The following EPS15 variants were observed in gnomAD, a reference collection of about 807,000 sequenced individuals.
EPS15 encodes the protein epidermal growth factor receptor pathway substrate 15.
In EPS15, 72 loss-of-function variants were observed where a neutral mutation model predicts 113.8. The ratio of observed to expected loss-of-function variants is 0.63; its 90% confidence interval spans 0.52 to 0.77. The LOEUF (loss-of-function observed/expected upper bound fraction) is 0.77, where lower values mean the gene tolerates loss of function less well. EPS15 is among the 30% of genes least tolerant of loss of function. The probability of loss-of-function intolerance (pLI) is 0.00; values close to 1 mark genes in which losing one functional copy is unlikely to be tolerated. For synonymous variants in EPS15, 344 were observed against 363.4 expected, an observed-to-expected ratio of 0.95 and a Z score of 0.61; for missense variants, 1,048 against 1,045.8, an observed-to-expected ratio of 1.00 and a Z score of -0.03.
intron 13 of EPS15, among the ~76,000 whole-genome samples, chr1:51,421,413 T>TTGATGATGATGATGA (rs3991374): frequency 6.6e-6 from 1 of 151,812 alleles, no homozygotes; most frequent in Non-Finnish European, 1.5e-5. Context: ...ATACTGGTTT[T>TTGATGATGATGATGA]TGATGATGAT....
chr1:51,467,979 G>A (rs1327489461), intron 5 of EPS15, among the ~76,000 whole-genome samples: 2 of 151,684 alleles, frequency 1.3e-5, no homozygotes, highest in African/African-American at 2.4e-5. Context: ...ATTTTTTTAA[G>A]ACAGGGTCTT....
At chr1:51,474,068 C>T (rs1391006190) in intron 2 of EPS15, among the ~76,000 whole-genome samples, 3 of 152,226 alleles carry the variant, frequency 2.0e-5, no homozygotes, top group African/African-American at 7.2e-5. Context: ...ATTGATCAAA[C>T]TCTTATGAAA....
In EPS15 at chr1:51,450,240, T is replaced by TG. The variant is rs202208126; in HGVS notation, c.562-2106dup. The stretch of plus-strand genomic sequence containing the variant: ...AGCTCCTAGGATGGAAAGGCCACAC[T>TG]GGGGGGGGCTGTATTTTAGTCCGTT... On this transcript the variant is annotated intron_variant, in intron 8 of 24. Transcript: ENST00000371733. Among the ~76,000 whole-genome samples, 52 of 151,408 alleles carry TG rather than the reference T, an allele frequency of 3.4e-4. 1 individual carries two copies. The South Asian group carries it at 4.2e-3, about 12-fold the overall frequency.
At chr1:51,496,791 T>G (rs6682469) in intron 1 of EPS15, among the ~76,000 whole-genome samples, 4,966 of 152,264 alleles carry the variant, frequency 0.033, 272 homozygotes, top group African/African-American at 0.11. Context: ...TAGTCAGAAC[T>G]TGAGTAACAG....
chr1:51,510,229 T>A (rs1644594893), intron 1 of EPS15, among the ~76,000 whole-genome samples: 1 of 152,186 alleles, frequency 6.6e-6, no homozygotes, highest in South Asian at 2.1e-4. Context: ...CTGGATAATT[T>A]CTTTTACATA....
chr1:51,443,209 T>C (rs1270717777), intron 11 of EPS15, among the ~76,000 whole-genome samples: 2 of 152,036 alleles, frequency 1.3e-5, no homozygotes, highest in African/African-American at 4.8e-5. Flanking sequence ...TCTACTAACA[T>C]AGACTTCAAA....
At chr1:51,396,683 T>C (rs1647978270) in intron 20 of EPS15, among the ~76,000 whole-genome samples, 1 of 152,032 alleles carries the variant, frequency 6.6e-6, no homozygotes. Flanking sequence ...TAAAAGGCCA[T>C]CAGGATAGCA....
chr1:51,387,654 G>A (rs1647122921), intron 21 of EPS15, among the ~76,000 whole-genome samples: 1 of 151,946 alleles, frequency 6.6e-6, no homozygotes, highest in South Asian at 2.1e-4. Flanking sequence ...AACAAAAAAA[G>A]GCAGGGGTTG....
intron 8 of EPS15, among the ~76,000 whole-genome samples, chr1:51,453,149 T>C (rs531444844): frequency 2.6e-5 from 4 of 152,280 alleles, no homozygotes; most frequent in South Asian, 2.1e-4. Context: ...TACTGTGAAA[T>C]TGTCAGAATG....
At chr1:51,444,184 A>G (rs1652828773) in intron 11 of EPS15, among the ~76,000 whole-genome samples, 2 of 152,200 alleles carry the variant, frequency 1.3e-5, no homozygotes, top group Admixed American at 6.5e-5. Flanking sequence ...AATAGCCACT[A>G]TGGTATGCAA....
intron 19 of EPS15, among the ~76,000 whole-genome samples, chr1:51,399,938 C>T (rs1249467890): frequency 6.6e-6 from 1 of 152,110 alleles, no homozygotes; most frequent in Non-Finnish European, 1.5e-5. Flanking sequence ...GACTCCTTTG[C>T]AATTTTGATA....
Position 51,354,616 on chromosome 1 carries a change from C to A in EPS15, c.*2084G>T. ...CTTATCTGTCCTTTTCAAGCACAGG[C>A]CCTGGAGCCAGAGTCAACAACATAA... On this transcript the variant is annotated 3_prime_UTR_variant, in exon 25 of 25. Transcript: ENST00000371733. 1 of 186,446 alleles carries A rather than the reference C, an allele frequency of 5.4e-6. No homozygotes were observed. Among genetic ancestry groups the A allele is most frequent in the Non-Finnish European group, 1.1e-5 (1 of 88,104 alleles). 11.5% of individuals were successfully genotyped at this position (186,446 alleles called of 1,614,324 possible). A position where few individuals can be genotyped will look rare whatever the true frequency, so the allele number is the denominator to read the frequency against.
At chr1:51,491,429 T>C (rs987299572) in intron 1 of EPS15, among the ~76,000 whole-genome samples, 22 of 152,324 alleles carry the variant, frequency 1.4e-4, no homozygotes, top group African/African-American at 5.3e-4. Context: ...TATGTTTTTA[T>C]ACACATAGGT....
intron 21 of EPS15, among the ~76,000 whole-genome samples, chr1:51,385,241 T>C (rs936728837): frequency 6.6e-6 from 1 of 151,990 alleles, no homozygotes; most frequent in Non-Finnish European, 1.5e-5. Context: ...ACAACCTGAT[T>C]TAGAAATGGG....
At position 51,402,561 on chromosome 1, in the gene EPS15, A is replaced by C. The variant is rs1570215093; in HGVS notation, c.1792-36T>G. 6 of 1,110,196 alleles carry C rather than the reference A, an allele frequency of 5.4e-6. No individual in the cohort carries two copies. In the East Asian group the frequency reaches 1.5e-4, roughly 28 times the overall value. 68.8% of individuals were successfully genotyped at this position (1,110,196 alleles called of 1,614,324 possible). On this transcript the variant is annotated intron_variant, in intron 17 of 24. Transcript: ENST00000371733. Reference sequence around the variant, plus strand: ...TTTTAAATTAAAATTATTTTTTAGAAACCAAAGTTTTAAAAGGTAACATTT... The same window carrying C: ...TTTTAAATTAAAATTATTTTTTAGACACCAAAGTTTTAAAAGGTAACATTT...
chr1:51,478,176 C>T (rs1378350727), intron 2 of EPS15, among the ~76,000 whole-genome samples: 10 of 151,974 alleles, frequency 6.6e-5, no homozygotes, highest in Non-Finnish European at 8.8e-5. Flanking sequence ...AGTTAGCTCT[C>T]CTTGTTGAAT....
intron 1 of EPS15, among the ~76,000 whole-genome samples, chr1:51,500,697 T>G (rs775037204): frequency 6.6e-6 from 1 of 151,858 alleles, no homozygotes; most frequent in Non-Finnish European, 1.5e-5. Context: ...TAAAAGAAAA[T>G]CTGTAGGTCG....
At chr1:51,402,262 G>A (rs185005187) in intron 18 of EPS15, among the ~76,000 whole-genome samples, 173 bp downstream of exon 18, 175 of 152,246 alleles carry the variant, frequency 1.1e-3, no homozygotes, top group Non-Finnish European at 1.8e-3. Flanking sequence ...CAGGAGAATC[G>A]CTTGAACCCA....
chr1:51,356,665 A>T lies in EPS15; in HGVS notation c.*35T>A. On this transcript the variant is annotated 3_prime_UTR_variant, in exon 25 of 25. Transcript: ENST00000371733. ...AATAGTTTCAGTATTCAGGAAGAAGAATACTATATTGTTGCCAAAGAACAA... is the reference window on the plus strand; with the variant it reads ...AATAGTTTCAGTATTCAGGAAGAAGTATACTATATTGTTGCCAAAGAACAA... 1 of 1,586,382 alleles carries T rather than the reference A, an allele frequency of 6.3e-7. No individual in the cohort carries two copies. The highest frequency in any genetic ancestry group is 1.1e-5 in the South Asian group (1 of 88,492).
Sources: gnomAD v4.1 joint callset for allele counts (sites outside exome capture counted in the v4.1 genomes callset) on GRCh38, gnomAD v4.1.1 for gene constraint, MANE v1.5 for transcripts, NCBI Gene and HGNC (gene_info 2026-07-23, HGNC 2026-07-21) for gene names.